Variants in LAMA3 observed in about 807,000 individuals in gnomAD.
LAMA3 encodes the protein laminin subunit alpha-3.
Under a neutral mutation model 402.0 loss-of-function variants are expected in LAMA3, and 281 were observed. That is an observed-to-expected ratio of 0.70 (90% CI 0.63 to 0.77). LAMA3 has a LOEUF of 0.77. Among genes scored for constraint, LAMA3 ranks in the 30% least tolerant of loss-of-function variants. The probability of loss-of-function intolerance (pLI) is 0.00; values close to 1 mark genes in which losing one functional copy is unlikely to be tolerated. For missense variants in LAMA3, 3,840 were observed against 4,215.5 expected (o/e 0.91, Z 2.47); for synonymous variants, 1,431 against 1,558.4 (o/e 0.92, Z 1.93).
chr18:23,692,050 C>T (rs780244563), intron 1 of LAMA3, among the ~76,000 whole-genome samples: 1 of 152,202 alleles, frequency 6.6e-6, no homozygotes, highest in Non-Finnish European at 1.5e-5. Flanking sequence ...ATGGTGACAG[C>T]ACAGCATTGA....
chr18:23,871,821 G>C (rs934758876), intron 38 of LAMA3, among the ~76,000 whole-genome samples, 160 bp downstream of exon 38: 6 of 152,186 alleles, frequency 3.9e-5, no homozygotes, highest in African/African-American at 1.4e-4. Context: ...CTCCCTTCAG[G>C]AATTAAGTGT....
intron 12 of LAMA3, among the ~76,000 whole-genome samples, chr18:23,801,338 TA>T (rs2062862291): frequency 6.6e-6 from 1 of 152,158 alleles, no homozygotes; most frequent in South Asian, 2.1e-4. Context: ...AAAAACTACC[TA>T]TCAGGTACTA....
intron 5 of LAMA3, among the ~76,000 whole-genome samples, chr18:23,751,883 C>T (rs534467683): frequency 6.6e-6 from 1 of 152,276 alleles, no homozygotes; most frequent in East Asian, 1.9e-4. Context: ...CCAAAGCAAA[C>T]AAGAAGCCAG....
At chr18:23,943,284 G>T (rs567828383) in intron 68 of LAMA3, among the ~76,000 whole-genome samples, 2 of 152,286 alleles carry the variant, frequency 1.3e-5, no homozygotes, top group South Asian at 4.1e-4. Flanking sequence ...GTTGTCAGGG[G>T]CTGTGGGAAG....
chr18:23,820,419 A>G (rs1161636843), intron 19 of LAMA3, among the ~76,000 whole-genome samples: 1 of 152,170 alleles, frequency 6.6e-6, no homozygotes, highest in African/African-American at 2.4e-5. Flanking sequence ...TAGTGTTCCT[A>G]ATTTTTGGCT....
At chr18:23,939,742 G>A (rs1280219282) in intron 68 of LAMA3, among the ~76,000 whole-genome samples, 2 of 152,190 alleles carry the variant, frequency 1.3e-5, no homozygotes, top group Non-Finnish European at 2.9e-5. Context: ...TGTAGTGAAA[G>A]TAAAATCATT....
chr18:23,747,059 AGTCACC>A (rs902697825), intron 2 of LAMA3, among the ~76,000 whole-genome samples: 1 of 152,112 alleles, frequency 6.6e-6, no homozygotes, highest in Non-Finnish European at 1.5e-5. Flanking sequence ...CTCCTCAGAC[AGTCACC>A]GGGAAATCTG....
Position 23,862,817 on chromosome 18 carries a change from G to A in LAMA3, c.4584+1010G>A, listed in dbSNP as rs550800301. Among the ~76,000 whole-genome samples the A allele has an allele frequency of 9.2e-5, 14 of 152,202 alleles. No homozygotes were observed. The East Asian group carries it at 2.1e-3, about 23-fold the overall frequency. On this transcript the variant is annotated intron_variant, in intron 35 of 74. Coordinates refer to ENST00000313654, the MANE Select transcript of LAMA3 (RefSeq NM_198129.4). ...GTCAACCAGGGCTGTAGTCCCCTGG[G>A]ACTGCAGCATCTGCTTCCAAGCTCA...
intron 12 of LAMA3, 137 bp downstream of exon 12, chr18:23,784,294 C>T: frequency 9.9e-6 from 10 of 1,008,642 alleles, no homozygotes; most frequent in Non-Finnish European, 1.5e-5. Flanking sequence ...ATGGATGTTA[C>T]ATGTGATGGT....
intron 21 of LAMA3, among the ~76,000 whole-genome samples, chr18:23,826,302 G>A (rs1025350831): frequency 2.0e-5 from 3 of 152,212 alleles, no homozygotes; most frequent in Admixed American, 6.5e-5. Flanking sequence ...CCAGTTGAGC[G>A]TTACTCGGGT....
intron 20 of LAMA3, 70 bp downstream of exon 20, chr18:23,822,445 T>C: frequency 1.3e-6 from 2 of 1,520,886 alleles, no homozygotes; most frequent in South Asian, 2.2e-5. Context: ...CTTTCTCTGA[T>C]TTTCACAAAG....
At chr18:23,787,034 C>T (rs945874524) in intron 12 of LAMA3, among the ~76,000 whole-genome samples, 1 of 152,176 alleles carries the variant, frequency 6.6e-6, no homozygotes, top group Non-Finnish European at 1.5e-5. Context: ...GTTATCTCAG[C>T]ACTTTGGGAG....
intron 2 of LAMA3, among the ~76,000 whole-genome samples, chr18:23,736,858 G>A (rs7229243): frequency 0.071 from 10,870 of 152,120 alleles, 811 homozygotes; most frequent in East Asian, 0.36. Flanking sequence ...GTGGACGCTG[G>A]GGATGAGGGA....
At chr18:23,953,191 C>T in intron 74 of LAMA3, 82 bp downstream of exon 74, 1 of 1,571,204 alleles carries the variant, frequency 6.4e-7, no homozygotes, top group Non-Finnish European at 8.7e-7. Context: ...CAGGGCAGCT[C>T]TTGGCTGGAC....
chr18:23,947,983 T>C (rs2082768999), intron 70 of LAMA3, among the ~76,000 whole-genome samples: 1 of 152,090 alleles, frequency 6.6e-6, no homozygotes, highest in South Asian at 2.1e-4. Flanking sequence ...GGCTAATTTT[T>C]TGTATTTTTT....
intron 62 of LAMA3, among the ~76,000 whole-genome samples, chr18:23,926,680 A>C (rs540977995): frequency 8.1e-4 from 124 of 152,350 alleles, no homozygotes; most frequent in African/African-American, 2.8e-3. Context: ...TTAGTACATC[A>C]TTTGTTTAAG....
chr18:23,797,785 T>G (rs76015172), intron 12 of LAMA3, among the ~76,000 whole-genome samples: 4,478 of 152,320 alleles, frequency 0.029, 213 homozygotes, highest in African/African-American at 0.1. Flanking sequence ...TTTTGCCAAC[T>G]GTAGTCCTGG....
chr18:23,717,329 A>G (rs2061119219), intron 2 of LAMA3, among the ~76,000 whole-genome samples: 1 of 152,190 alleles, frequency 6.6e-6, no homozygotes. Flanking sequence ...ATTTTGAGGC[A>G]TGGTTGAGAA....
At chr18:23,894,662 A>C (rs368980268) in intron 43 of LAMA3, among the ~76,000 whole-genome samples, 1 of 152,170 alleles carries the variant, frequency 6.6e-6, no homozygotes, top group Non-Finnish European at 1.5e-5. Flanking sequence ...GATGAAGGCT[A>C]TTATTATTTT....
Sources: gnomAD v4.1 joint callset for allele counts (sites outside exome capture counted in the v4.1 genomes callset) on GRCh38, gnomAD v4.1.1 for gene constraint, MANE v1.5 for transcripts, NCBI Gene and HGNC (gene_info 2026-07-23, HGNC 2026-07-21) for gene names.